The following MCC variants were observed in gnomAD, a reference collection of about 807,000 sequenced individuals.
MCC encodes colorectal mutant cancer protein.
A neutral mutation model predicts 116.2 loss-of-function variants in MCC; 90 were observed. That is an observed-to-expected ratio of 0.77 (90% CI 0.65 to 0.92). The LOEUF (loss-of-function observed/expected upper bound fraction) is 0.92, where lower values mean the gene tolerates loss of function less well. Among genes scored for constraint, MCC ranks in the 40% least tolerant of loss-of-function variants. The probability of loss-of-function intolerance (pLI) is 0.00; values close to 1 mark genes in which losing one functional copy is unlikely to be tolerated. For synonymous variants in MCC, 578 were observed against 510.5 expected (o/e 1.13, Z -1.78); for missense variants, 1,516 against 1,312.2 (o/e 1.16, Z -2.40).
intron 3 of MCC, among the ~76,000 whole-genome samples, chr5:113,252,840 A>G (rs6859175): frequency 6.6e-6 from 1 of 152,102 alleles, no homozygotes; most frequent in African/African-American, 2.4e-5. Flanking sequence ...ATAACACAAC[A>G]ACCAAAATGA....
At chr5:113,124,093 T>G (rs138188459) in intron 5 of MCC, among the ~76,000 whole-genome samples, 1 of 152,190 alleles carries the variant, frequency 6.6e-6, no homozygotes, top group Admixed American at 6.5e-5. Flanking sequence ...CTTTATAAGG[T>G]ATTGTTAATA....
intron 3 of MCC, among the ~76,000 whole-genome samples, chr5:113,276,066 C>T (rs751548244): frequency 4.0e-5 from 6 of 150,214 alleles, no homozygotes; most frequent in Non-Finnish European, 7.4e-5. Flanking sequence ...AATCTCAAGG[C>T]CACAGTGGCC....
At chr5:113,249,114 T>A (rs930646246) in intron 3 of MCC, among the ~76,000 whole-genome samples, 5 of 151,030 alleles carry the variant, frequency 3.3e-5, no homozygotes. Context: ...AGTGCTGGGA[T>A]TACAGGCGTG....
chr5:113,341,815 T>C (rs775732488), intron 2 of MCC, among the ~76,000 whole-genome samples: 3 of 137,936 alleles, frequency 2.2e-5, no homozygotes, highest in Non-Finnish European at 3.1e-5. Flanking sequence ...TGCCCTAACA[T>C]GATTAGAAAA....
At chr5:113,166,265 A>T (rs902347606) in intron 3 of MCC, among the ~76,000 whole-genome samples, 2 of 152,214 alleles carry the variant, frequency 1.3e-5, no homozygotes, top group Non-Finnish European at 2.9e-5. Context: ...TATCAAAAGA[A>T]AATCTAAGTC....
chr5:113,299,562 G>A (rs1021910365), intron 3 of MCC, among the ~76,000 whole-genome samples: 5 of 152,150 alleles, frequency 3.3e-5, no homozygotes, highest in South Asian at 2.1e-4. Context: ...GGACCAACTC[G>A]TCATGTCTTC....
At chr5:113,259,993 A>T (rs1344945398) in intron 3 of MCC, among the ~76,000 whole-genome samples, 1 of 152,176 alleles carries the variant, frequency 6.6e-6, no homozygotes, top group Non-Finnish European at 1.5e-5. Context: ...TCTAGAAAAG[A>T]TGAACAAATT....
At chr5:113,054,860 C>T (rs992041507) in intron 14 of MCC, among the ~76,000 whole-genome samples, 51 of 152,204 alleles carry the variant, frequency 3.4e-4, no homozygotes, top group Non-Finnish European at 4.6e-4. Context: ...CACTGGAAAA[C>T]GGAGGCCACG....
intron 3 of MCC, chr5:113,294,850 G>A: frequency 3.0e-6 from 3 of 985,876 alleles, no homozygotes; most frequent in Non-Finnish European, 3.6e-6. Context: ...TCCGCGCCTC[G>A]GATTCCAGAG....
chr5:113,394,563 A>C (rs1769479459), intron 1 of MCC, among the ~76,000 whole-genome samples: 1 of 152,066 alleles, frequency 6.6e-6, no homozygotes, highest in Non-Finnish European at 1.5e-5. Context: ...ATAAACGGTC[A>C]CTGTTATTTT....
chr5:113,099,476 C>T (rs1756260414), intron 8 of MCC, among the ~76,000 whole-genome samples: 1 of 152,224 alleles, frequency 6.6e-6, no homozygotes, highest in Non-Finnish European at 1.5e-5. Context: ...TATTTTACTC[C>T]AAAGAACTAC....
intron 3 of MCC, among the ~76,000 whole-genome samples, chr5:113,196,412 A>T (rs535216058): frequency 6.6e-6 from 1 of 152,312 alleles, no homozygotes; most frequent in South Asian, 2.1e-4. Context: ...ACTACCAGGC[A>T]TCTGCTTCTC....
intron 1 of MCC, among the ~76,000 whole-genome samples, chr5:113,427,053 C>T (rs763838505): frequency 1.3e-5 from 2 of 151,852 alleles, no homozygotes; most frequent in Non-Finnish European, 2.9e-5. Flanking sequence ...TTTTTCTATC[C>T]CTATGTTGCA....
intron 3 of MCC, among the ~76,000 whole-genome samples, chr5:113,188,331 A>G (rs1217615074): frequency 2.0e-5 from 3 of 152,190 alleles, no homozygotes; most frequent in African/African-American, 7.2e-5. Flanking sequence ...GGAGGCAAAA[A>G]AGATTCTAAT....
chr5:113,176,880 C>T (rs1761362119), intron 3 of MCC, among the ~76,000 whole-genome samples: 1 of 152,160 alleles, frequency 6.6e-6, no homozygotes, highest in Non-Finnish European at 1.5e-5. Context: ...TCAGGGTCCA[C>T]TGCTTGTCTA....
At chr5:113,247,945 C>T (rs1051615710) in intron 3 of MCC, among the ~76,000 whole-genome samples, 8 of 152,058 alleles carry the variant, frequency 5.3e-5, no homozygotes, top group Admixed American at 2.0e-4. Context: ...TGTTGAGAGT[C>T]GCCCAAAACC....
intron 1 of MCC, among the ~76,000 whole-genome samples, chr5:113,457,527 C>T (rs955510768): frequency 6.6e-6 from 1 of 151,880 alleles, no homozygotes; most frequent in Non-Finnish European, 1.5e-5. Flanking sequence ...CTGAGGAGTG[C>T]GAGCGCATGG....
intron 2 of MCC, among the ~76,000 whole-genome samples, chr5:113,365,111 C>A (rs140668885): frequency 0.036 from 5,528 of 152,308 alleles, 346 homozygotes; most frequent in African/African-American, 0.13. Flanking sequence ...TTCTTTTCTA[C>A]CACATGGCCA....
chr5:113,153,398 C>A (rs1160171991), intron 3 of MCC, among the ~76,000 whole-genome samples: 1 of 152,190 alleles, frequency 6.6e-6, no homozygotes, highest in African/African-American at 2.4e-5. Flanking sequence ...GAGACACACA[C>A]AGAGTACTTA....
Sources: gnomAD v4.1 joint callset for allele counts (sites outside exome capture counted in the v4.1 genomes callset) on GRCh38, gnomAD v4.1.1 for gene constraint, MANE v1.5 for transcripts, NCBI Gene and HGNC (gene_info 2026-07-23, HGNC 2026-07-21) for gene names.